ANKRD44: variants seen among roughly 807,000 people sequenced by gnomAD.
ANKRD44 encodes the protein serine/threonine-protein phosphatase 6 regulatory ankyrin repeat subunit B.
A neutral mutation model predicts 116.0 loss-of-function variants in ANKRD44; 35 were observed. The observed-to-expected ratio is 0.30, with a 90% CI of 0.23 to 0.40. The LOEUF is 0.40. Among genes scored for constraint, ANKRD44 ranks in the 10% least tolerant of loss-of-function variants. The probability of loss-of-function intolerance (pLI) is 1.00; values close to 1 mark genes in which losing one functional copy is unlikely to be tolerated. For synonymous variants in ANKRD44, 435 were observed against 461.8 expected, an observed-to-expected ratio of 0.94 and a Z score of 0.74; for missense variants, 1,014 against 1,242.6, an observed-to-expected ratio of 0.82 and a Z score of 2.77.
At chr2:197,063,829 G>C (rs943926753) in intron 16 of ANKRD44, among the ~76,000 whole-genome samples, 1 of 152,194 alleles carries the variant, frequency 6.6e-6, no homozygotes, top group African/African-American at 2.4e-5. Flanking sequence ...ACGTCTGATT[G>C]GTGTACCTGA....
chr2:197,202,291 AC>A (rs1404891967), intron 1 of ANKRD44, among the ~76,000 whole-genome samples: 1 of 152,180 alleles, frequency 6.6e-6, no homozygotes, highest in African/African-American at 2.4e-5. Flanking sequence ...GTGTTACATA[AC>A]GGAGGGCAAG....
chr2:197,299,317 G>A (rs1390741296), intron 1 of ANKRD44, among the ~76,000 whole-genome samples: 2 of 151,900 alleles, frequency 1.3e-5, no homozygotes, highest in African/African-American at 4.8e-5. Context: ...CTCTAGATCC[G>A]GCAATCCCAC....
chr2:196,991,992 T>C (rs193084098), intron 27 of ANKRD44, among the ~76,000 whole-genome samples: 52 of 152,338 alleles, frequency 3.4e-4, no homozygotes, highest in Non-Finnish European at 5.7e-4. Flanking sequence ...TAGAACCATG[T>C]TATTCTCATT....
rs1458581266 is a variant in ANKRD44 at position 196,989,597 on chromosome 2, T to C, written c.2976A>G (p.Glu992=). The C allele has an allele frequency of 1.3e-5, 20 of 1,550,098 alleles. No individual in the cohort carries two copies. Among genetic ancestry groups the C allele is most frequent in the Non-Finnish European group, 1.6e-5 (18 of 1,146,762 alleles). ...RSTPGTAVQK[E]E is the part of the protein sequence containing the mutation. Reference sequence around the variant, plus strand: ...GCATAATTTTTAAAGAGTCTCATTCTTCTTTTTGTACAGCGGTTCCAGGTG... The same window carrying C: ...GCATAATTTTTAAAGAGTCTCATTCCTCTTTTTGTACAGCGGTTCCAGGTG... Residue 992 remains glutamate, a synonymous_variant, in exon 28 of 28, where the codon GAA becomes GAG. Coordinates refer to ENST00000282272, the MANE Select transcript of ANKRD44 (RefSeq NM_001195144.2).
intron 1 of ANKRD44, among the ~76,000 whole-genome samples, chr2:197,306,433 T>C (rs571550636): frequency 2.0e-5 from 3 of 152,196 alleles, no homozygotes; most frequent in Non-Finnish European, 2.9e-5. Flanking sequence ...CATGATTCAC[T>C]GCAAAGGCCC....
In ANKRD44 at chr2:197,218,751, C is replaced by CTTTTTTT. The variant is rs138330364; in HGVS notation, c.28-31652_28-31646dup. ...TTCCTGGTATGGGAGGGTAAAGTCC[C>CTTTTTTT]TTTTTTTTTTTTTTTTTTTTTTTTT... On this transcript the variant is annotated intron_variant, in intron 1 of 27. Transcript: ENST00000282272. 1.1e-3 allele frequency among the ~76,000 whole-genome samples: 59 copies of CTTTTTTT among 52,332 alleles called. 6 individuals are homozygous for CTTTTTTT. Among genetic ancestry groups the CTTTTTTT allele is most frequent in the African/African-American group, 3.5e-3 (50 of 14,426 alleles). The allele number at this position is 52,332 out of a possible 152,430, so 34.3% of individuals were successfully genotyped here. A position where few individuals can be genotyped will look rare whatever the true frequency, so the allele number is the denominator to read the frequency against.
intron 3 of ANKRD44, 101 bp from the exon 4 acceptor site, chr2:197,136,763 C>A: frequency 1.1e-6 from 1 of 931,528 alleles, no homozygotes; most frequent in South Asian, 1.4e-5. Context: ...CCTGACATAA[C>A]CACCACCTCT....
At chr2:197,208,255 G>A (rs981091174) in intron 1 of ANKRD44, among the ~76,000 whole-genome samples, 2 of 152,164 alleles carry the variant, frequency 1.3e-5, no homozygotes, top group African/African-American at 4.8e-5. Flanking sequence ...CGCCCCAATA[G>A]TGCAAGAACA....
At chr2:197,114,133 T>C (rs961074294) in intron 8 of ANKRD44, among the ~76,000 whole-genome samples, 11 of 152,230 alleles carry the variant, frequency 7.2e-5, no homozygotes, top group African/African-American at 2.2e-4. Context: ...ATCTGAGAAA[T>C]TGAAATTTAT....
chr2:197,178,383 A>G (rs1257539359), intron 2 of ANKRD44, among the ~76,000 whole-genome samples: 2 of 152,130 alleles, frequency 1.3e-5, no homozygotes, highest in Non-Finnish European at 2.9e-5. Flanking sequence ...AGGCAGGAGG[A>G]CTGCTTGAGA....
chr2:197,125,789 GA>G, intron 5 of ANKRD44, 47 bp downstream of exon 5: 1 of 1,580,200 alleles, frequency 6.3e-7, no homozygotes, highest in Non-Finnish European at 8.7e-7. Flanking sequence ...ACTTGTGGCT[GA>G]AAGTCCTGGA....
At position 197,183,193 on chromosome 2, in the gene ANKRD44, T is replaced by A. The variant is rs151109023; in HGVS notation, c.111+3830A>T. On this transcript the variant is annotated intron_variant, in intron 2 of 27. Coordinates refer to ENST00000282272, the MANE Select transcript of ANKRD44 (RefSeq NM_001195144.2). ...GGCTTTCTATATCAGGATCAGTTAATGAATGGGTGATTTACACCAGAGAAC... is the reference window on the plus strand; with the variant it reads ...GGCTTTCTATATCAGGATCAGTTAAAGAATGGGTGATTTACACCAGAGAAC... Among the ~76,000 whole-genome samples, 281 of 152,158 alleles carry A rather than the reference T, an allele frequency of 1.8e-3. 1 individual carries two copies. Among genetic ancestry groups the A allele is most frequent in the African/African-American group, 6.7e-3 (277 of 41,504 alleles).
chr2:197,028,720 A>C (rs1041644366), intron 16 of ANKRD44: 3 of 170,096 alleles, frequency 1.8e-5, no homozygotes, highest in African/African-American at 7.2e-5. Flanking sequence ...CTTATGCAGC[A>C]GGATTATTTT....
At chr2:197,182,178 G>C (rs992760189) in intron 2 of ANKRD44, among the ~76,000 whole-genome samples, 3 of 152,138 alleles carry the variant, frequency 2.0e-5, no homozygotes, top group African/African-American at 7.2e-5. Flanking sequence ...GGTTAGTCAG[G>C]TGGAGGCTTC....
At position 197,005,723 on chromosome 2, in the gene ANKRD44, T is replaced by C; in HGVS notation, c.2318A>G (p.Tyr773Cys). Reference sequence around the variant, plus strand: ...GTAACAAGCCCAGTGCAGCGGCGTGTAGCCTTGGTTATCTTTGAAACAACA... The same window carrying C: ...GTAACAAGCCCAGTGCAGCGGCGTGCAGCCTTGGTTATCTTTGAAACAACA... ...EDCCFKDNQG[Y>C]TPLHWACYNG... Residue 773 changes from tyrosine to cysteine, a missense_variant, in exon 21 of 28, where the codon TAC (tyrosine) becomes TGC (cysteine). Transcript: ENST00000282272. 6.2e-7 allele frequency: 1 copy of C among 1,614,230 alleles called. No homozygotes were observed. The highest frequency in any genetic ancestry group is 8.5e-7 in the Non-Finnish European group (1 of 1,180,042).
chr2:197,286,750 G>A (rs534977300), intron 1 of ANKRD44, among the ~76,000 whole-genome samples: 8 of 151,600 alleles, frequency 5.3e-5, no homozygotes, highest in Non-Finnish European at 1.2e-4. Context: ...TCAAACTGTC[G>A]AAAAATATGT....
intron 1 of ANKRD44, among the ~76,000 whole-genome samples, chr2:197,272,324 C>A (rs771178808): frequency 6.6e-6 from 1 of 152,146 alleles, no homozygotes; most frequent in Admixed American, 6.5e-5. Context: ...CTGCAACCTC[C>A]GCCTCCCGGG....
intron 16 of ANKRD44, among the ~76,000 whole-genome samples, chr2:197,060,650 G>A (rs900572006): frequency 1.3e-5 from 2 of 152,064 alleles, no homozygotes; most frequent in East Asian, 1.9e-4. Flanking sequence ...TTCTGCAAAC[G>A]GAAACTTCAT....
intron 1 of ANKRD44, among the ~76,000 whole-genome samples, chr2:197,196,040 T>C (rs760722009): frequency 2.0e-5 from 3 of 152,372 alleles, no homozygotes; most frequent in South Asian, 2.1e-4. Flanking sequence ...TTTAAATCCA[T>C]GTAATTTTAG....
Sources: allele counts gnomAD v4.1 joint callset (sites outside exome capture counted in the v4.1 genomes callset), GRCh38; gene constraint gnomAD v4.1.1; transcripts MANE v1.5; gene names NCBI Gene and HGNC (gene_info 2026-07-23, HGNC 2026-07-21).